The following ERG variants were observed in gnomAD, a reference collection of about 807,000 sequenced individuals.
The protein encoded by ERG is transcriptional regulator ERG.
A neutral mutation model predicts 55.3 loss-of-function variants in ERG; 9 were observed. That is an observed-to-expected ratio of 0.16 (90% CI 0.10 to 0.28). The LOEUF (loss-of-function observed/expected upper bound fraction) is 0.28. Ranked by LOEUF, ERG falls within the 10% of genes least tolerant of loss-of-function variation. ERG has a pLI of 1.00. For synonymous variants in ERG, 223 were observed against 237.3 expected (o/e 0.94, Z 0.55); for missense variants, 434 against 631.6 (o/e 0.69, Z 3.35).
At chr21:38,476,558 C>A (rs2059189705) in intron 1 of ERG, among the ~76,000 whole-genome samples, 1 of 152,182 alleles carries the variant, frequency 6.6e-6, no homozygotes, top group African/African-American at 2.4e-5. Flanking sequence ...AAAGGGAAGT[C>A]TTGTCGGAAA....
chr21:38,408,099 C>T (rs1988858958), intron 3 of ERG, among the ~76,000 whole-genome samples: 1 of 152,070 alleles, frequency 6.6e-6, no homozygotes, highest in South Asian at 2.1e-4. Context: ...ATCTCCACAC[C>T]TCTGCCCTAT....
At chr21:38,564,496 T>C (rs1344723671) in intron 2 of ERG, among the ~76,000 whole-genome samples, 1 of 152,110 alleles carries the variant, frequency 6.6e-6, no homozygotes, top group Non-Finnish European at 1.5e-5. Flanking sequence ...AAATATAATG[T>C]ATACAAATTG....
rs749080548 is a variant in ERG, at chr21:38,390,998, G to T, written c.916C>A (p.Pro306Thr). Residue 306 changes from proline to threonine, a missense_variant, in exon 9 of 10, where the codon CCA becomes ACA. By Grantham distance (38) the Pro-to-Thr change is conservative (BLOSUM62 -1). Transcript: ENST00000288319. ...AAAATCATCAGCAGTTTCTCACCTG[G>T]ATTTGCAAGGCGGCTACTTGTTGGT... Reference protein sequence around the residue: ...LGPTSSRLANPGSGQIQLWQF... With the variant: ...LGPTSSRLANTGSGQIQLWQF... 6 of 1,612,886 alleles carry T rather than the reference G, an allele frequency of 3.7e-6. No homozygotes were observed. Among genetic ancestry groups the T allele is most frequent in the Non-Finnish European group, 5.1e-6 (6 of 1,179,246 alleles).
intron 2 of ERG, among the ~76,000 whole-genome samples, chr21:38,570,504 A>G (rs1331724251): frequency 6.6e-6 from 1 of 152,236 alleles, no homozygotes; most frequent in Non-Finnish European, 1.5e-5. Flanking sequence ...ATGATGTTTT[A>G]TCTTTAAGAT....
At chr21:38,581,872 T>C (rs2060030928) in intron 1 of ERG, among the ~76,000 whole-genome samples, 1 of 151,850 alleles carries the variant, frequency 6.6e-6, no homozygotes, top group African/African-American at 2.4e-5. Flanking sequence ...TGAAACCCCA[T>C]CTCTACTGAA....
intron 2 of ERG, among the ~76,000 whole-genome samples, chr21:38,433,441 T>C (rs1321037325): frequency 6.6e-6 from 1 of 151,762 alleles, no homozygotes; most frequent in African/African-American, 2.4e-5. Flanking sequence ...AAAAGCGGGG[T>C]TGGTGGTGGG....
intron 1 of ERG, among the ~76,000 whole-genome samples, chr21:38,446,076 G>A (rs1054808760): frequency 5.3e-5 from 8 of 151,876 alleles, no homozygotes; most frequent in Admixed American, 3.9e-4. Context: ...GGGATTTTGC[G>A]GAAGAGGGAC....
intron 2 of ERG, among the ~76,000 whole-genome samples, chr21:38,568,856 G>C (rs997017561): frequency 6.6e-6 from 1 of 152,178 alleles, no homozygotes; most frequent in African/African-American, 2.4e-5. Flanking sequence ...AAGCACCCGA[G>C]GGTCACCTGC....
At chr21:38,386,776 A>C (rs1019521099) in intron 9 of ERG, among the ~76,000 whole-genome samples, 1 of 145,538 alleles carries the variant, frequency 6.9e-6, no homozygotes, top group Non-Finnish European at 1.5e-5. Flanking sequence ...TCTTGGGTAA[A>C]CCCTTCAGAT....
At chr21:38,473,378 C>T (rs1239290967) in intron 1 of ERG, among the ~76,000 whole-genome samples, 2 of 151,614 alleles carry the variant, frequency 1.3e-5, no homozygotes, top group East Asian at 1.9e-4. Flanking sequence ...AGAAACTGAG[C>T]CCATGGTTTT....
At chr21:38,524,460 A>C (rs2059616440) in intron 2 of ERG, among the ~76,000 whole-genome samples, 2 of 152,254 alleles carry the variant, frequency 1.3e-5, no homozygotes, top group Non-Finnish European at 2.9e-5. Context: ...CAACAGAATC[A>C]TCATAAAGCT....
At chr21:38,456,097 GT>G (rs1159002168) in intron 1 of ERG, among the ~76,000 whole-genome samples, 9 of 152,194 alleles carry the variant, frequency 5.9e-5, no homozygotes, top group African/African-American at 2.2e-4. Context: ...AGATCGATTT[GT>G]TTAACTAGTA....
chr21:38,544,571 G>T (rs1312859500), intron 2 of ERG, among the ~76,000 whole-genome samples: 2 of 152,170 alleles, frequency 1.3e-5, no homozygotes, highest in African/African-American at 4.8e-5. Context: ...CTTCAAACGT[G>T]ATCCTACTGT....
chr21:38,482,916 G>T (rs573101123), intron 1 of ERG, among the ~76,000 whole-genome samples: 1 of 152,168 alleles, frequency 6.6e-6, no homozygotes, highest in African/African-American at 2.4e-5. Flanking sequence ...GGCCTCAAGT[G>T]ATCCACCTAC....
chr21:38,445,905 T>C (rs924727414), intron 1 of ERG, among the ~76,000 whole-genome samples: 1 of 151,782 alleles, frequency 6.6e-6, no homozygotes, highest in Non-Finnish European at 1.5e-5. Context: ...CTTAAGGAAG[T>C]TGAATTTCAA....
At chr21:38,600,449 T>A (rs1601298185) in intron 1 of ERG, among the ~76,000 whole-genome samples, 1 of 152,116 alleles carries the variant, frequency 6.6e-6, no homozygotes, top group African/African-American at 2.4e-5. Flanking sequence ...TGTCTCCCGG[T>A]CCCTGTTTGC....
At chr21:38,597,126 C>T (rs994718967) in intron 1 of ERG, among the ~76,000 whole-genome samples, 1 of 152,196 alleles carries the variant, frequency 6.6e-6, no homozygotes, top group African/African-American at 2.4e-5. Context: ...GCTGGCCTGC[C>T]TTCCCAATTT....
chr21:38,608,082 T>C (rs1292324642), intron 1 of ERG, among the ~76,000 whole-genome samples: 6 of 152,198 alleles, frequency 3.9e-5, no homozygotes, highest in Non-Finnish European at 8.8e-5. Context: ...ACTACAAATA[T>C]ATTTTGTATA....
intron 1 of ERG, 139 bp from the exon 2 acceptor site, chr21:38,445,760 G>GA: frequency 1.5e-6 from 1 of 667,194 alleles, no homozygotes; most frequent in East Asian, 2.7e-5. Flanking sequence ...CCTTTCAGAA[G>GA]AAAAAAGTAG....
Sources: gnomAD v4.1 joint callset for allele counts (sites outside exome capture counted in the v4.1 genomes callset) on GRCh38, gnomAD v4.1.1 for gene constraint, MANE v1.5 for transcripts, NCBI Gene and HGNC (gene_info 2026-07-23, HGNC 2026-07-21) for gene names.